HDAC9: variants seen among roughly 807,000 people sequenced by gnomAD.
HDAC9 encodes the protein histone deacetylase 9.
A neutral mutation model predicts 139.4 loss-of-function variants in HDAC9; 41 were observed. The observed-to-expected ratio is 0.29, with a 90% CI of 0.23 to 0.38. The LOEUF (loss-of-function observed/expected upper bound fraction) is 0.38, where lower values mean the gene tolerates loss of function less well. HDAC9 is among the 10% of genes least tolerant of loss of function. The probability of loss-of-function intolerance (pLI) is 1.00; values close to 1 mark genes in which losing one functional copy is unlikely to be tolerated. For synonymous variants in HDAC9, 517 were observed against 476.2 expected (o/e 1.09, Z -1.12); for missense variants, 1,147 against 1,297.0 (o/e 0.88, Z 1.78).
At chr7:18,913,344 G>A (rs1802901328) in intron 22 of HDAC9, among the ~76,000 whole-genome samples, 1 of 152,032 alleles carries the variant, frequency 6.6e-6, no homozygotes, top group South Asian at 2.1e-4. Context: ...GATGTAGGCT[G>A]TTGTCAAAAT....
At chr7:18,449,822 C>G (rs1792647982) in intron 1 of HDAC9, among the ~76,000 whole-genome samples, 2 of 152,072 alleles carry the variant, frequency 1.3e-5, no homozygotes, top group Non-Finnish European at 2.9e-5. Flanking sequence ...TTTAAGTTTA[C>G]TAATTATCTG....
chr7:18,103,967 C>G (rs564001507), intron 1 of HDAC9, among the ~76,000 whole-genome samples: 39 of 152,276 alleles, frequency 2.6e-4, no homozygotes, highest in South Asian at 6.2e-4. Flanking sequence ...GGAACCAGCC[C>G]CGGACAGGAT....
chr7:18,523,641 G>T (rs1289596759), intron 2 of HDAC9, among the ~76,000 whole-genome samples: 5 of 152,188 alleles, frequency 3.3e-5, no homozygotes, highest in Non-Finnish European at 1.5e-5. Flanking sequence ...TGTGTGTTGG[G>T]AGACTGATAA....
At chr7:18,604,723 C>T (rs981148696) in intron 6 of HDAC9, among the ~76,000 whole-genome samples, 3 of 152,108 alleles carry the variant, frequency 2.0e-5, no homozygotes, top group African/African-American at 4.8e-5. Flanking sequence ...ATTTCTACTG[C>T]TGTGCTTTTG....
intron 1 of HDAC9, chr7:18,152,027 T>C (rs1786818417): frequency 6.6e-6 from 1 of 152,168 alleles, no homozygotes; most frequent in East Asian, 1.9e-4. Context: ...ACCAGCTCTT[T>C]CATGTATCTT....
chr7:18,125,052 T>A (rs1784571097), intron 1 of HDAC9, among the ~76,000 whole-genome samples: 1 of 152,038 alleles, frequency 6.6e-6, no homozygotes, highest in Non-Finnish European at 1.5e-5. Context: ...GAGTCTGTAA[T>A]ACTGAGGTAT....
At chr7:18,642,327 T>C (rs186871005) in intron 8 of HDAC9, among the ~76,000 whole-genome samples, 14 of 152,206 alleles carry the variant, frequency 9.2e-5, no homozygotes, top group Admixed American at 5.9e-4. Flanking sequence ...CTGAGTTTGC[T>C]TCCTCTTCTC....
At chr7:18,623,338 G>A (rs1344696318) in intron 6 of HDAC9, among the ~76,000 whole-genome samples, 1 of 152,136 alleles carries the variant, frequency 6.6e-6, no homozygotes, top group African/African-American at 2.4e-5. Flanking sequence ...TCAAAGTTCA[G>A]AAAAGGGCTA....
chr7:18,480,001 T>C (rs1795423867), intron 1 of HDAC9, among the ~76,000 whole-genome samples: 1 of 151,546 alleles, frequency 6.6e-6, no homozygotes, highest in Non-Finnish European at 1.5e-5. Flanking sequence ...TTTTTTTTTT[T>C]TCTGGAAGAT....
At chr7:18,234,177 A>G (rs536572244) in intron 2 of HDAC9, among the ~76,000 whole-genome samples, 49 of 152,352 alleles carry the variant, frequency 3.2e-4, no homozygotes, top group Non-Finnish European at 5.0e-4. Flanking sequence ...CAGGTATTAC[A>G]GAGTGCTGGT....
At chr7:18,189,994 C>T (rs1345473290) in intron 2 of HDAC9, among the ~76,000 whole-genome samples, 1 of 151,772 alleles carries the variant, frequency 6.6e-6, no homozygotes, top group South Asian at 2.1e-4. Flanking sequence ...GGCTGGAGTA[C>T]AGTGGCACGA....
At chr7:18,162,297 C>T in exon 2 of HDAC9, 1 of 1,534,560 alleles carries the variant, frequency 6.5e-7, no homozygotes, top group South Asian at 1.2e-5. Context: ...GAATCTGCAT[C>T]CTAGTCTTAG....
chr7:18,485,299 T>G (rs1049109582), intron 1 of HDAC9, among the ~76,000 whole-genome samples: 1 of 152,118 alleles, frequency 6.6e-6, no homozygotes, highest in African/African-American at 2.4e-5. Flanking sequence ...GCCCAGCATA[T>G]TCCACCACCT....
chr7:18,819,154 C>A lies in HDAC9; in HGVS notation c.2323-10007C>A, dbSNP rs1033621597. On this transcript the variant is annotated intron_variant, in intron 17 of 25. Coordinates refer to ENST00000686413, the MANE Select transcript of HDAC9 (RefSeq NM_178425.4). ...AATTAGACAGGCTTTATGGTGCGCACTTGCAATCCCAGCTACTCAGGTGGC... is the reference window on the plus strand; with the variant it reads ...AATTAGACAGGCTTTATGGTGCGCAATTGCAATCCCAGCTACTCAGGTGGC... Among the ~76,000 whole-genome samples, 4 of 152,222 alleles carry A rather than the reference C, an allele frequency of 2.6e-5. No homozygotes were observed. The East Asian group carries it at 7.7e-4, about 29-fold the overall frequency.
At chr7:18,872,377 CGTATATTCA>C (rs1457992158) in intron 21 of HDAC9, among the ~76,000 whole-genome samples, 3 of 152,032 alleles carry the variant, frequency 2.0e-5, no homozygotes, top group Non-Finnish European at 4.4e-5. Context: ...CAGTAGATTC[CGTATATTCA>C]GAGATATGTG....
intron 2 of HDAC9, among the ~76,000 whole-genome samples, chr7:18,577,535 C>G (rs1157958328): frequency 1.3e-5 from 2 of 152,188 alleles, no homozygotes; most frequent in African/African-American, 2.4e-5. Context: ...TCATGCCTTT[C>G]TCCTATTCTC....
At chr7:18,933,585 A>G (rs1421647850) in intron 22 of HDAC9, among the ~76,000 whole-genome samples, 4 of 152,120 alleles carry the variant, frequency 2.6e-5, no homozygotes, top group Admixed American at 1.3e-4. Flanking sequence ...TTTTTCACAT[A>G]TAAAGTTACA....
chr7:18,785,537 A>C (rs1791639245), intron 16 of HDAC9, among the ~76,000 whole-genome samples: 1 of 151,948 alleles, frequency 6.6e-6, no homozygotes, highest in Middle Eastern at 3.4e-3. Context: ...GAAAAGCTCA[A>C]CTCTTCTAGG....
intron 12 of HDAC9, among the ~76,000 whole-genome samples, chr7:18,707,012 A>G (rs1001666465): frequency 3.9e-5 from 6 of 152,182 alleles, no homozygotes; most frequent in Non-Finnish European, 7.4e-5. Flanking sequence ...GGAGTGAACA[A>G]TGAGGCACTG....
Sources: gnomAD v4.1 joint callset for allele counts (sites outside exome capture counted in the v4.1 genomes callset) on GRCh38, gnomAD v4.1.1 for gene constraint, MANE v1.5 for transcripts, NCBI Gene and HGNC (gene_info 2026-07-23, HGNC 2026-07-21) for gene names.